The following DZIP3 variants were observed in gnomAD, a reference collection of about 807,000 sequenced individuals.
DZIP3 encodes the protein E3 ubiquitin-protein ligase DZIP3.
A neutral mutation model predicts 162.0 loss-of-function variants in DZIP3; 118 were observed. That is an observed-to-expected ratio of 0.73 (90% CI 0.63 to 0.85). The LOEUF is 0.85. Among genes scored for constraint, DZIP3 ranks in the 40% least tolerant of loss-of-function variants. DZIP3 has a pLI of 0.00. For synonymous variants in DZIP3, 438 were observed against 458.6 expected (o/e 0.96, Z 0.57); for missense variants, 1,331 against 1,407.0 (o/e 0.95, Z 0.86).
At chr3:108,606,790 T>C (rs761547804) in intron 2 of DZIP3, among the ~76,000 whole-genome samples, 2 of 152,204 alleles carry the variant, frequency 1.3e-5, no homozygotes, top group Non-Finnish European at 2.9e-5. Flanking sequence ...TAATGGAGCC[T>C]ATAGAAAATA....
At chr3:108,684,144 T>C (rs548217425) in intron 26 of DZIP3, 72 bp from the exon 27 acceptor site, 14 of 1,502,750 alleles carry the variant, frequency 9.3e-6, no homozygotes, top group African/African-American at 1.4e-5. Context: ...TGAATTTAGA[T>C]GATTGCCTAA....
chr3:108,592,705 CAAAA>C (rs59524030), intron 1 of DZIP3, among the ~76,000 whole-genome samples: 6 of 63,878 alleles, frequency 9.4e-5, no homozygotes, highest in African/African-American at 2.4e-4. Flanking sequence ...GACCCTGTCT[CAAAA>C]AAAAAAAAAA....
Position 108,622,880 on chromosome 3 carries a change from C to CTCTCTCTCTCTCTCTCTCTCTCTG in DZIP3, c.376-1563_376-1562insCTCTCTCTCTCTCTCTCTCTCTGT, listed in dbSNP as rs796232998. Among the ~76,000 whole-genome samples, 10 of 53,092 alleles carry CTCTCTCTCTCTCTCTCTCTCTCTG rather than the reference C, an allele frequency of 1.9e-4. 1 individual carries two copies. In the East Asian group the frequency reaches 2.0e-3, roughly 11 times the overall value. 34.8% of individuals were successfully genotyped at this position (53,092 alleles called of 152,430 possible). ...TCTCTCTCTCTCTCTCTCTCTCTCT[C>CTCTCTCTCTCTCTCTCTCTCTCTG]TGTGTGTGTGTGTGTGTATGGAGCT... On this transcript the variant is annotated intron_variant, in intron 5 of 32. Coordinates refer to ENST00000361582, the MANE Select transcript of DZIP3 (RefSeq NM_014648.4).
At position 108,591,994 on chromosome 3, in the gene DZIP3, AAAAG is replaced by A. The variant is rs1939447889; in HGVS notation, c.-73+2157_-73+2160del. Among the ~76,000 whole-genome samples the A allele has an allele frequency of 2.6e-5, 4 of 151,900 alleles. No homozygotes were observed. In the South Asian group the frequency reaches 8.3e-4, roughly 32 times the overall value. ...AGACCCTGTCAAAAAAAAAAAAAAA[AAAAG>A]AGATGAGTCTGGGTCCCAATGACCA... On this transcript the variant is annotated intron_variant, in intron 1 of 32. Transcript: ENST00000361582.
At chr3:108,628,512 T>C (rs1374734709) in intron 7 of DZIP3, among the ~76,000 whole-genome samples, 1 of 152,204 alleles carries the variant, frequency 6.6e-6, no homozygotes, top group Non-Finnish European at 1.5e-5. Context: ...GTCTGCCTTA[T>C]GTCTAGAGGA....
rs188949912 is a variant in DZIP3 at position 108,626,548 on chromosome 3, A to C, written c.581+579A>C. On this transcript the variant is annotated intron_variant, in intron 7 of 32. Transcript: ENST00000361582. ...AAAGTGAAATTGTATGGAGGAAACTATACAGATTATCTGTTTACTTCCTAT... is the reference window on the plus strand; with the variant it reads ...AAAGTGAAATTGTATGGAGGAAACTCTACAGATTATCTGTTTACTTCCTAT... Among the ~76,000 whole-genome samples the C allele has an allele frequency of 4.2e-4, 64 of 152,362 alleles. No homozygotes were observed. The Middle Eastern group carries it at 0.01, about 24-fold the overall frequency.
chr3:108,608,146 A>T lies in DZIP3; in HGVS notation c.90A>T (p.Ser30=), dbSNP rs770072325. 6.2e-7 allele frequency: 1 copy of T among 1,612,634 alleles called. No individual in the cohort carries two copies. Among genetic ancestry groups the T allele is most frequent in the East Asian group, 2.2e-5 (1 of 44,786 alleles). Residue 30 remains serine, a synonymous_variant, in exon 3 of 33, where the codon TCA becomes TCT. Coordinates refer to ENST00000361582, the MANE Select transcript of DZIP3 (RefSeq NM_014648.4). ...KEETENKLEK[S]SGQLNKQEND... is the part of the protein sequence containing the mutation. ...AAACTGAGAATAAGCTAGAAAAATCATCTGGTCAACTGGTAAGAGAAAGTT... is the reference window on the plus strand; with the variant it reads ...AAACTGAGAATAAGCTAGAAAAATCTTCTGGTCAACTGGTAAGAGAAAGTT...
chr3:108,624,622 A>G (rs1342233043), intron 6 of DZIP3, 98 bp downstream of exon 6: 2 of 589,206 alleles, frequency 3.4e-6, no homozygotes, highest in Non-Finnish European at 5.8e-6. Flanking sequence ...AAAAAAGGAA[A>G]CTTAATATTA....
intron 14 of DZIP3, among the ~76,000 whole-genome samples, chr3:108,645,560 C>T (rs1559754064): frequency 6.6e-6 from 1 of 152,296 alleles, no homozygotes; most frequent in Non-Finnish European, 1.5e-5. Context: ...TTTTGGAAAG[C>T]AGAGTTCAAG....
intron 18 of DZIP3, among the ~76,000 whole-genome samples, chr3:108,652,929 A>G (rs1420027661): frequency 6.6e-6 from 1 of 151,984 alleles, no homozygotes; most frequent in African/African-American, 2.4e-5. Flanking sequence ...ATGATATGTT[A>G]TGACAAAAGC....
chr3:108,606,871 C>T (rs1270766879), intron 2 of DZIP3, among the ~76,000 whole-genome samples: 2 of 152,044 alleles, frequency 1.3e-5, no homozygotes, highest in Non-Finnish European at 2.9e-5. Flanking sequence ...GTTTCAAAAG[C>T]TTCACAGTTG....
chr3:108,654,363 C>A (rs1382013643), intron 19 of DZIP3, 53 bp downstream of exon 19: 3 of 1,594,770 alleles, frequency 1.9e-6, no homozygotes, highest in Admixed American at 1.7e-5. Flanking sequence ...TCTGGTTTTT[C>A]CTGTGACTCT....
intron 32 of DZIP3, among the ~76,000 whole-genome samples, chr3:108,692,133 G>A (rs1413118304): frequency 6.6e-6 from 1 of 151,860 alleles, no homozygotes; most frequent in African/African-American, 2.4e-5. Context: ...CCCTACAAAG[G>A]CCAAGAACAT....
chr3:108,629,538 CTAAAGA>C (rs1324845327), intron 8 of DZIP3, among the ~76,000 whole-genome samples: 1 of 151,894 alleles, frequency 6.6e-6, no homozygotes, highest in East Asian at 1.9e-4. Context: ...ATAAAAATGC[CTAAAGA>C]TAAAGATGAA....
At chr3:108,692,306 G>C (rs1944729019) in intron 32 of DZIP3, among the ~76,000 whole-genome samples, 1 of 152,118 alleles carries the variant, frequency 6.6e-6, no homozygotes, top group African/African-American at 2.4e-5. Context: ...AGATGATCAG[G>C]AGGCAGTACT....
chr3:108,666,360 G>A (rs944454907), intron 21 of DZIP3, among the ~76,000 whole-genome samples: 1 of 152,020 alleles, frequency 6.6e-6, no homozygotes, highest in African/African-American at 2.4e-5. Context: ...GAACCTCAAG[G>A]TATATGTACC....
intron 31 of DZIP3, among the ~76,000 whole-genome samples, chr3:108,690,387 C>T (rs558953380): frequency 4.5e-4 from 69 of 152,248 alleles, no homozygotes; most frequent in African/African-American, 1.6e-3. Flanking sequence ...TAACTGCAAA[C>T]ACCATAAGCA....
chr3:108,666,426 GA>G (rs766692656), intron 21 of DZIP3, among the ~76,000 whole-genome samples: 4 of 152,026 alleles, frequency 2.6e-5, no homozygotes, highest in Non-Finnish European at 5.9e-5. Context: ...AGGAGAAATG[GA>G]AAAGTTTACC....
chr3:108,602,445 G>T (rs1940072367), intron 1 of DZIP3, among the ~76,000 whole-genome samples: 1 of 152,112 alleles, frequency 6.6e-6, no homozygotes, highest in Non-Finnish European at 1.5e-5. Context: ...TTGGTTAGTG[G>T]ATAAAGGTGT....
Sources: allele counts gnomAD v4.1 joint callset (sites outside exome capture counted in the v4.1 genomes callset), GRCh38; gene constraint gnomAD v4.1.1; transcripts MANE v1.5; gene names NCBI Gene and HGNC (gene_info 2026-07-23, HGNC 2026-07-21).